The following IL18R1 variants were observed in gnomAD, a reference collection of about 807,000 sequenced individuals.
IL18R1 encodes interleukin 18 receptor 1, also known as interleukin-18 receptor 1.
In IL18R1, 40 loss-of-function variants were observed where a neutral mutation model predicts 48.5. The ratio of observed to expected loss-of-function variants is 0.82; its 90% CI spans 0.64 to 1.07. The LOEUF (loss-of-function observed/expected upper bound fraction) is 1.07. IL18R1 is among the 50% of genes least tolerant of loss of function. The pLI is 0.00. For synonymous variants in IL18R1, 232 were observed against 225.9 expected (o/e 1.03, Z -0.24); for missense variants, 596 against 633.7 (o/e 0.94, Z 0.64).
intron 3 of IL18R1, among the ~76,000 whole-genome samples, chr2:102,368,463 T>A (rs1385757771): frequency 6.6e-6 from 1 of 152,124 alleles, no homozygotes; most frequent in African/African-American, 2.4e-5. Context: ...CTGGGTGGCA[T>A]CCCTGGTGGG....
chr2:102,394,765 G>T, intron 10 of IL18R1, 138 bp downstream of exon 10: 1 of 575,750 alleles, frequency 1.7e-6, no homozygotes, highest in Non-Finnish European at 2.9e-6. Flanking sequence ...AACCACGTAA[G>T]TCAACAATCG....
At chr2:102,366,796 G>A (rs2105045152) in intron 2 of IL18R1, among the ~76,000 whole-genome samples, 1 of 152,292 alleles carries the variant, frequency 6.6e-6, no homozygotes, top group African/African-American at 2.4e-5. Context: ...GCATGAGGGT[G>A]ACTGCCCCCA....
intron 10 of IL18R1, among the ~76,000 whole-genome samples, chr2:102,395,505 T>C (rs149893899): frequency 9.9e-5 from 15 of 151,966 alleles, no homozygotes; most frequent in African/African-American, 3.6e-4. Flanking sequence ...GAAAGGAAAA[T>C]ATTGCTAACT....
At chr2:102,362,743 A>G (rs760592649) in intron 2 of IL18R1, 25 bp downstream of exon 2, 2 of 1,418,706 alleles carry the variant, frequency 1.4e-6, no homozygotes, top group Non-Finnish European at 2.0e-6. Context: ...ATACTCTCAA[A>G]CATATTTCAT....
intron 5 of IL18R1, among the ~76,000 whole-genome samples, chr2:102,377,432 A>G (rs1235403261): frequency 6.6e-6 from 1 of 152,166 alleles, no homozygotes; most frequent in East Asian, 1.9e-4. Flanking sequence ...CTCCTGCCTC[A>G]GCCTCCCGAG....
intron 9 of IL18R1, 113 bp downstream of exon 9, chr2:102,390,330 A>G: frequency 1.0e-6 from 1 of 986,412 alleles, no homozygotes; most frequent in Non-Finnish European, 1.5e-6. Context: ...TCTGTGGGAG[A>G]GGTTTTCTAT....
intron 9 of IL18R1, 64 bp downstream of exon 9, chr2:102,390,281 A>G (rs1680490190): frequency 2.9e-6 from 4 of 1,374,338 alleles, no homozygotes; most frequent in South Asian, 2.4e-5. Flanking sequence ...ATAAATAGGC[A>G]TTAATCTTCA....
chr2:102,366,866 T>C (rs538462557), intron 2 of IL18R1, among the ~76,000 whole-genome samples: 129 of 152,318 alleles, frequency 8.5e-4, no homozygotes, highest in Admixed American at 1.4e-3. Context: ...AGAATACTTC[T>C]ATCACATCAC....
At chr2:102,391,827 A>T (rs1426552158) in intron 9 of IL18R1, among the ~76,000 whole-genome samples, 3 of 152,202 alleles carry the variant, frequency 2.0e-5, no homozygotes, top group Non-Finnish European at 4.4e-5. Context: ...GCAACTTTTC[A>T]TTTGCATAAG....
chr2:102,356,656 A>AT lies in IL18R1; in HGVS notation c.-29+262dup, dbSNP rs535689760. ...GAAATAAATGATAACAATAGTTGTC[A>AT]TTTTTTAAGTGCTTACTGTGTGCCT... On this transcript the variant is annotated intron_variant, in intron 1 of 10. Coordinates refer to ENST00000233957, the MANE Select transcript of IL18R1 (RefSeq NM_003855.5). Among the ~76,000 whole-genome samples, 176 of 152,306 alleles carry AT rather than the reference A, an allele frequency of 1.2e-3. 2 individuals carry two copies. In the South Asian group the frequency reaches 0.021, roughly 18 times the overall value.
Position 102,362,676 on chromosome 2 carries a change from T to C in IL18R1, c.16T>C (p.Leu6=), listed in dbSNP as rs760548790. MNCRE[L]PLTLWVLISV... is the part of the protein sequence containing the mutation. ...AATCCAAACCATGAATTGTAGAGAA[T>C]TACCCTTGACCCTTTGGGTGCTTAT... The change falls in exon 2 of 11, where the codon TTA becomes CTA. Residue 6 remains leucine, a synonymous_variant. Transcript: ENST00000233957. 14 of 1,607,656 alleles carry C rather than the reference T, an allele frequency of 8.7e-6. No individual in the cohort carries two copies. The Middle Eastern group carries it at 5.0e-4, about 57-fold the overall frequency.
chr2:102,366,876 CT>C (rs1393872014), intron 2 of IL18R1, among the ~76,000 whole-genome samples: 1 of 152,212 alleles, frequency 6.6e-6, no homozygotes, highest in African/African-American at 2.4e-5. Flanking sequence ...TATCACATCA[CT>C]TCCTCTTTAT....
intron 4 of IL18R1, among the ~76,000 whole-genome samples, chr2:102,374,384 T>C (rs951461092): frequency 6.6e-6 from 1 of 152,214 alleles, no homozygotes; most frequent in Non-Finnish European, 1.5e-5. Context: ...AAATGTTTTC[T>C]AAACACTCGA....
chr2:102,389,906 A>C (rs1169700554), intron 8 of IL18R1, 150 bp from the exon 9 acceptor site: 9 of 630,804 alleles, frequency 1.4e-5, no homozygotes, highest in Non-Finnish European at 2.2e-5. Flanking sequence ...TAAAGGCAGG[A>C]ATGTGGAGTC....
intron 2 of IL18R1, among the ~76,000 whole-genome samples, 157 bp from the exon 3 acceptor site, chr2:102,367,668 C>T (rs1039944000): frequency 7.9e-5 from 12 of 152,092 alleles, no homozygotes; most frequent in Middle Eastern, 3.4e-3. Flanking sequence ...GAAAGATTGA[C>T]GCAAAAATAA....
intron 5 of IL18R1, among the ~76,000 whole-genome samples, chr2:102,376,751 G>T (rs1679611398): frequency 1.3e-5 from 2 of 152,168 alleles, no homozygotes; most frequent in African/African-American, 4.8e-5. Context: ...GACATTAAAG[G>T]TATTTAATTA....
At chr2:102,393,309 A>G (rs1020470320) in intron 9 of IL18R1, among the ~76,000 whole-genome samples, 1 of 152,234 alleles carries the variant, frequency 6.6e-6, no homozygotes, top group Non-Finnish European at 1.5e-5. Context: ...TATTTTTACC[A>G]ACATTTCATA....
At chr2:102,384,029 T>G (rs1283494423) in intron 6 of IL18R1, among the ~76,000 whole-genome samples, 1 of 152,242 alleles carries the variant, frequency 6.6e-6, no homozygotes, top group Non-Finnish European at 1.5e-5. Flanking sequence ...TCTTTATGTA[T>G]CAAACAATTA....
chr2:102,357,643 G>A lies in IL18R1; in HGVS notation c.-29+1243G>A, dbSNP rs572834386. On this transcript the variant is annotated intron_variant, in intron 1 of 10. Transcript: ENST00000233957. ...TGTGCCATTTGGGGCTGTTGCAGTTGGAGAGCTTCCTTGAGAAGGCAAATA... is the reference window on the plus strand; with the variant it reads ...TGTGCCATTTGGGGCTGTTGCAGTTAGAGAGCTTCCTTGAGAAGGCAAATA... Among the ~76,000 whole-genome samples, 41 of 152,294 alleles carry A rather than the reference G, an allele frequency of 2.7e-4. No individual in the cohort carries two copies. In the South Asian group the frequency reaches 8.1e-3, roughly 30 times the overall value.
Sources: allele counts gnomAD v4.1 joint callset (sites outside exome capture counted in the v4.1 genomes callset), GRCh38; gene constraint gnomAD v4.1.1; transcripts MANE v1.5; gene names NCBI Gene and HGNC (gene_info 2026-07-23, HGNC 2026-07-21).